ARHGAP10: variants seen among roughly 807,000 people sequenced by gnomAD.
The protein encoded by ARHGAP10 is Rho GTPase activating protein 10, also known as rho GTPase-activating protein 10.
In ARHGAP10, 87 loss-of-function variants were observed where a neutral mutation model predicts 108.6. That is an observed-to-expected ratio of 0.80 (90% CI 0.67 to 0.96). The LOEUF is 0.96. Among genes scored for constraint, ARHGAP10 ranks in the 40% least tolerant of loss-of-function variants. The probability of loss-of-function intolerance (pLI) is 0.00; values close to 1 mark genes in which losing one functional copy is unlikely to be tolerated. For missense variants in ARHGAP10, 939 were observed against 954.5 expected, an observed-to-expected ratio of 0.98 and a Z score of 0.21; for synonymous variants, 347 against 341.1, an observed-to-expected ratio of 1.02 and a Z score of -0.19.
At chr4:147,942,348 A>C (rs1738192010) in intron 14 of ARHGAP10, among the ~76,000 whole-genome samples, 1 of 152,178 alleles carries the variant, frequency 6.6e-6, no homozygotes, top group African/African-American at 2.4e-5. Flanking sequence ...CTTGAGAGCT[A>C]ATTATTTACT....
intron 16 of ARHGAP10, among the ~76,000 whole-genome samples, chr4:147,959,377 T>A (rs564050548): frequency 2.6e-5 from 4 of 152,208 alleles, no homozygotes; most frequent in African/African-American, 4.8e-5. Context: ...TTAAATTTTT[T>A]AAAATTATAC....
intron 1 of ARHGAP10, among the ~76,000 whole-genome samples, chr4:147,773,941 C>T (rs1315012104): frequency 6.6e-6 from 1 of 152,158 alleles, no homozygotes; most frequent in East Asian, 1.9e-4. Flanking sequence ...TGAGAAGCAG[C>T]ACATCTGGTT....
intron 4 of ARHGAP10, chr4:147,854,684 A>G (rs1370126932): frequency 1.0e-6 from 1 of 982,774 alleles, no homozygotes; most frequent in Non-Finnish European, 1.2e-6. Flanking sequence ...AGCACAAGAA[A>G]TCATATGAGC....
At position 147,939,832 on chromosome 4, in the gene ARHGAP10, T is replaced by C. The variant is rs781546924; in HGVS notation, c.1236T>C (p.Asn412=). Residue 412 remains asparagine, a synonymous_variant, in exon 14 of 23, where the codon AAT becomes AAC. Coordinates refer to ENST00000336498, the MANE Select transcript of ARHGAP10 (RefSeq NM_024605.4). ...CISAVETRGI[N]DQGLYRVVGV... Reference sequence around the variant, plus strand: ...GTTTGTTTCTTCCCATAGGTATAAATGACCAAGGATTGTACAGAGTTGTGG... The same window carrying C: ...GTTTGTTTCTTCCCATAGGTATAAACGACCAAGGATTGTACAGAGTTGTGG... 1 of 1,614,026 alleles carries C rather than the reference T, an allele frequency of 6.2e-7. No individual in the cohort carries two copies. Among genetic ancestry groups the C allele is most frequent in the African/African-American group, 1.3e-5 (1 of 75,054 alleles).
intron 20 of ARHGAP10, among the ~76,000 whole-genome samples, chr4:148,048,981 G>A (rs1366196657): frequency 6.6e-6 from 1 of 150,560 alleles, no homozygotes; most frequent in Non-Finnish European, 1.5e-5. Context: ...TTTTAATGGA[G>A]ACTTTCTTCT....
chr4:148,060,492 C>T (rs1729569261), intron 20 of ARHGAP10, among the ~76,000 whole-genome samples: 1 of 152,054 alleles, frequency 6.6e-6, no homozygotes, highest in African/African-American at 2.4e-5. Flanking sequence ...ACTTGCCTCA[C>T]CTGATCCTTC....
At chr4:147,817,298 T>A (rs1732290877) in intron 1 of ARHGAP10, among the ~76,000 whole-genome samples, 1 of 152,146 alleles carries the variant, frequency 6.6e-6, no homozygotes, top group East Asian at 1.9e-4. Context: ...GGGGTTATCC[T>A]GCACTGACAG....
At chr4:147,802,742 A>G (rs1731632314) in intron 1 of ARHGAP10, among the ~76,000 whole-genome samples, 1 of 152,234 alleles carries the variant, frequency 6.6e-6, no homozygotes, top group Admixed American at 6.5e-5. Context: ...TCTTGTTAAT[A>G]TCTGTCAAAA....
At chr4:147,803,645 A>G (rs1400813600) in intron 1 of ARHGAP10, among the ~76,000 whole-genome samples, 2 of 152,118 alleles carry the variant, frequency 1.3e-5, no homozygotes, top group Non-Finnish European at 2.9e-5. Flanking sequence ...CATGAGGTCA[A>G]CTTTATTGGC....
intron 10 of ARHGAP10, among the ~76,000 whole-genome samples, chr4:147,905,140 T>A (rs148878848): frequency 0.072 from 10,973 of 152,206 alleles, 1,156 homozygotes; most frequent in African/African-American, 0.23. Flanking sequence ...TAGCTCTTTG[T>A]CAGATGAGTA....
intron 20 of ARHGAP10, among the ~76,000 whole-genome samples, chr4:148,062,609 T>C (rs1729670019): frequency 6.6e-6 from 1 of 152,180 alleles, no homozygotes; most frequent in Non-Finnish European, 1.5e-5. Flanking sequence ...TATTAAGAAA[T>C]GCTCTGGTCA....
chr4:147,912,432 C>T (rs1736782306), intron 12 of ARHGAP10, among the ~76,000 whole-genome samples: 1 of 150,962 alleles, frequency 6.6e-6, no homozygotes, highest in African/African-American at 2.4e-5. Context: ...TGGCAGCTAC[C>T]TGGGAGGCTG....
At chr4:148,038,531 C>T (rs1728480532) in intron 19 of ARHGAP10, among the ~76,000 whole-genome samples, 1 of 152,198 alleles carries the variant, frequency 6.6e-6, no homozygotes, top group African/African-American at 2.4e-5. Context: ...CCTCCCCTAC[C>T]TCCTGAACCC....
rs368832238 is a variant in ARHGAP10 at position 147,774,607 on chromosome 4, C to T, written c.154+42152C>T. ...GGCTCAGCCTCTTTATTTCCTGTGA[C>T]TTTGTTTATTTCATGAGAGGGTGAC... On this transcript the variant is annotated intron_variant, in intron 1 of 22. Coordinates refer to ENST00000336498, the MANE Select transcript of ARHGAP10 (RefSeq NM_024605.4). Among the ~76,000 whole-genome samples the T allele has an allele frequency of 2.6e-5, 4 of 152,212 alleles. No individual in the cohort carries two copies. The East Asian group carries it at 5.8e-4, about 22-fold the overall frequency.
chr4:147,744,911 C>T (rs1298025567), intron 1 of ARHGAP10, among the ~76,000 whole-genome samples: 2 of 152,018 alleles, frequency 1.3e-5, no homozygotes, highest in African/African-American at 2.4e-5. Flanking sequence ...AGCTGAATAC[C>T]GAGGCTGCCG....
Position 148,006,163 on chromosome 4 carries a change from A to G in ARHGAP10, c.1717-17100A>G, listed in dbSNP as rs141674118. ...TCTGGAGGAAGCCAGCTGCCGTGTT[A>G]AAAGTTCAGCCACCCTGGGCCTGCC... is the stretch of plus-strand genomic sequence containing the variant. On this transcript the variant is annotated intron_variant, in intron 18 of 22. Coordinates refer to ENST00000336498, the MANE Select transcript of ARHGAP10 (RefSeq NM_024605.4). 7.3e-3 allele frequency among the ~76,000 whole-genome samples: 1,112 copies of G among 152,284 alleles called. 9 individuals carry two copies. Among genetic ancestry groups the G allele is most frequent in the African/African-American group, 0.019 (774 of 41,562 alleles).
intron 1 of ARHGAP10, among the ~76,000 whole-genome samples, chr4:147,791,151 A>T (rs1579050461): frequency 6.9e-6 from 1 of 145,636 alleles, no homozygotes; most frequent in South Asian, 2.2e-4. Flanking sequence ...TCTCTTTGTC[A>T]CCAAGGCTGG....
chr4:147,745,983 T>C (rs932934320), intron 1 of ARHGAP10, among the ~76,000 whole-genome samples: 1 of 150,852 alleles, frequency 6.6e-6, no homozygotes, highest in African/African-American at 2.4e-5. Context: ...AGAGATGGGG[T>C]TTCACCATGT....
Position 148,003,393 on chromosome 4 carries a change from C to T in ARHGAP10, c.1717-19870C>T, listed in dbSNP as rs186626622. On this transcript the variant is annotated intron_variant, in intron 18 of 22. Coordinates refer to ENST00000336498, the MANE Select transcript of ARHGAP10 (RefSeq NM_024605.4). Reference sequence around the variant, plus strand: ...GTGCTGAGAAGAATTTATATTCTGTCGATTTGGGTTGGAGAGTTCTGTGGA... The same window carrying T: ...GTGCTGAGAAGAATTTATATTCTGTTGATTTGGGTTGGAGAGTTCTGTGGA... Among the ~76,000 whole-genome samples the T allele has an allele frequency of 6.0e-4, 91 of 152,178 alleles. 1 individual carries two copies. The highest frequency in any genetic ancestry group is 8.2e-4 in the African/African-American group (34 of 41,522).
Sources: allele counts gnomAD v4.1 joint callset (sites outside exome capture counted in the v4.1 genomes callset), GRCh38; gene constraint gnomAD v4.1.1; transcripts MANE v1.5; gene names NCBI Gene and HGNC (gene_info 2026-07-23, HGNC 2026-07-21).